The following PPP2R3B variants were observed in gnomAD, a reference collection of about 807,000 sequenced individuals.
The protein encoded by PPP2R3B is serine/threonine-protein phosphatase 2A regulatory subunit B'' subunit beta.
In PPP2R3B, 68 loss-of-function variants were observed where a neutral mutation model predicts 72.9. The ratio of observed to expected loss-of-function variants is 0.93; its 90% CI spans 0.77 to 1.14. The LOEUF is 1.14. PPP2R3B is among the 50% of genes most tolerant of loss of function. PPP2R3B has a pLI of 0.00. For synonymous variants in PPP2R3B, 466 were observed against 375.8 expected (o/e 1.24, Z -2.78); for missense variants, 1,018 against 842.0 (o/e 1.21, Z -2.59).
At chrX:384,877 C>CGGGA (rs1301128328) in intron 1 of PPP2R3B, among the ~76,000 whole-genome samples, 1 of 143,872 alleles carries the variant, frequency 7.0e-6, no homozygotes, top group Non-Finnish European at 1.5e-5. Flanking sequence ...CACAGCTACT[C>CGGGA]GGGAGGCTGA....
At chrX:341,066 T>C (rs868842283) in intron 9 of PPP2R3B, 126 bp from the exon 10 acceptor site, 24 of 1,345,336 alleles carry the variant, frequency 1.8e-5, no homozygotes, top group Admixed American at 4.5e-5. Flanking sequence ...CCACCGGGCG[T>C]GCAGGCATCC....
In PPP2R3B at chrX:347,318, G is replaced by A. The variant is rs765204570; in HGVS notation, c.633C>T (p.His211=). The A allele has an allele frequency of 4.3e-6, 7 of 1,613,682 alleles. No individual in the cohort carries two copies. The highest frequency in any genetic ancestry group is 1.7e-5 in the Admixed American group (1 of 59,992). ...AMWRKILQNC[H]DDAAKFVHLL... ...GATGGACGAACTTGGCCGCGTCGTC[G>A]TGGCAGTTCTGGAGGATTCTGGAAG... The change falls in exon 4 of 13, where the codon CAC becomes CAT. Residue 211 remains histidine (H), a synonymous_variant. Transcript: ENST00000390665.
In PPP2R3B at chrX:350,739, G is replaced by A. The variant is rs182608970; in HGVS notation, c.511-3046C>T. Among the ~76,000 whole-genome samples the A allele has an allele frequency of 4.9e-3, 753 of 152,342 alleles. 9 individuals are homozygous for A. Among genetic ancestry groups the A allele is most frequent in the African/African-American group, 0.017 (688 of 41,580 alleles). On this transcript the variant is annotated intron_variant, in intron 2 of 12. Coordinates refer to ENST00000390665, the MANE Select transcript of PPP2R3B (RefSeq NM_013239.5). ...GCTGCCAGGCAGCTGGGTGTCCTCC[G>A]CGTTGCTGGGGGAACTGGGACGCCA...
chrX:364,506 TAAAAAAAAAAAAAAC>T (rs1205444733), intron 1 of PPP2R3B, among the ~76,000 whole-genome samples: 10 of 44,510 alleles, frequency 2.2e-4, no homozygotes, highest in Non-Finnish European at 3.6e-4. Context: ...TCATCTCTAC[TAAAAAAAAAAAAAAC>T]AAAAAAAAAA....
At chrX:345,030 A>T in intron 7 of PPP2R3B, 1 of 377,370 alleles carries the variant, frequency 2.6e-6, no homozygotes. Flanking sequence ...AGGGGCCGGG[A>T]GGCAGTGGCT....
At chrX:369,465 G>A (rs1167763481) in intron 1 of PPP2R3B, among the ~76,000 whole-genome samples, 1 of 152,194 alleles carries the variant, frequency 6.6e-6, no homozygotes, top group African/African-American at 2.4e-5. Flanking sequence ...AGATACATGT[G>A]TCGCCCTTCC....
Position 334,333 on chromosome X carries a change from G to T in PPP2R3B, c.*34C>A, listed in dbSNP as rs935408568. 4.8e-6 allele frequency: 7 copies of T among 1,452,114 alleles called. No individual in the cohort carries two copies. Among genetic ancestry groups the T allele is most frequent in the Non-Finnish European group, 6.3e-6 (7 of 1,108,084 alleles). 90.0% of individuals were successfully genotyped at this position (1,452,114 alleles called of 1,614,324 possible). A position where few individuals can be genotyped will look rare whatever the true frequency, so the allele number is the denominator to read the frequency against. ...CGGTGGCCCGGTGGTGGCACGTGGG[G>T]AGCGGCCCCGCGGCGGCGTTCTCGC... On this transcript the variant is annotated 3_prime_UTR_variant, in exon 13 of 13. Transcript: ENST00000390665.
At chrX:386,221 G>A (rs2072245141) in intron 1 of PPP2R3B, 147 bp downstream of exon 1, 8 of 472,022 alleles carry the variant, frequency 1.7e-5, no homozygotes, top group Non-Finnish European at 2.7e-5. Flanking sequence ...TATGTGTGTG[G>A]TGGGGGGGGT....
intron 1 of PPP2R3B, among the ~76,000 whole-genome samples, chrX:368,059 T>C (rs928323241): frequency 6.6e-6 from 1 of 152,118 alleles, no homozygotes; most frequent in Non-Finnish European, 1.5e-5. Context: ...TAAACACCAC[T>C]GGACACAAAC....
At chrX:339,068 T>G in intron 10 of PPP2R3B, among the ~76,000 whole-genome samples, 172 bp from the exon 11 acceptor site, 2 of 151,920 alleles carry the variant, frequency 1.3e-5, no homozygotes, top group South Asian at 2.1e-4. Context: ...TGGTTCTGGG[T>G]GGGGACTGAG....
chrX:381,577 A>C (rs1361236328), intron 1 of PPP2R3B, among the ~76,000 whole-genome samples: 3 of 149,062 alleles, frequency 2.0e-5, no homozygotes, highest in Non-Finnish European at 4.4e-5. Flanking sequence ...TATGGGATGG[A>C]CAGGAACAAG....
chrX:372,209 C>G (rs768135879), intron 1 of PPP2R3B, among the ~76,000 whole-genome samples: 2 of 152,206 alleles, frequency 1.3e-5, no homozygotes, highest in Middle Eastern at 3.2e-3. Flanking sequence ...TTTAAAGACA[C>G]CAGCCTCGCC....
chrX:346,557 G>A, intron 5 of PPP2R3B, 144 bp downstream of exon 5: 1 of 794,364 alleles, frequency 1.3e-6, no homozygotes, highest in South Asian at 1.8e-5. Flanking sequence ...GGCGGGTGGA[G>A]ACTCTCCCAG....
rs1299460376 is a variant in PPP2R3B at position 353,919 on chromosome X, G to GCCCAGGGACCGGGGGCTCA, written c.511-6245_511-6227dup. Among the ~76,000 whole-genome samples the GCCCAGGGACCGGGGGCTCA allele has an allele frequency of 1.6e-3, 200 of 126,390 alleles. 14 individuals carry two copies. The highest frequency in any genetic ancestry group is 5.5e-3 in the African/African-American group (178 of 32,468). 82.9% of individuals were successfully genotyped at this position (126,390 alleles called of 152,430 possible). A position where few individuals can be genotyped will look rare whatever the true frequency, so the allele number is the denominator to read the frequency against. On this transcript the variant is annotated intron_variant, in intron 2 of 12. Transcript: ENST00000390665. Reference sequence around the variant, plus strand: ...GGGGCTCACCCAAAGACTGGGGCTCGCCCAGGGACCGGGGGCTCACCCAGG... The same window carrying GCCCAGGGACCGGGGGCTCA: ...GGGGCTCACCCAAAGACTGGGGCTCGCCCAGGGACCGGGGGCTCACCCAGGGACCGGGGGCTCACCCAGG...
At chrX:370,028 T>C (rs2071822961) in intron 1 of PPP2R3B, among the ~76,000 whole-genome samples, 1 of 152,008 alleles carries the variant, frequency 6.6e-6, no homozygotes, top group Non-Finnish European at 1.5e-5. Context: ...TGAGCATTCT[T>C]CTCGGCCCAG....
chrX:346,336 G>A, intron 5 of PPP2R3B, 76 bp from the exon 6 acceptor site: 1 of 1,411,904 alleles, frequency 7.1e-7, no homozygotes, highest in Non-Finnish European at 9.7e-7. Context: ...CCGGGAGCCG[G>A]GAGAGGGGCG....
intron 12 of PPP2R3B, chrX:335,491 G>A (rs749779500): frequency 6.6e-6 from 1 of 152,374 alleles, no homozygotes; most frequent in Admixed American, 6.5e-5. Flanking sequence ...TGCTTGGCAG[G>A]AATCGGACGG....
intron 7 of PPP2R3B, chrX:342,164 C>G: frequency 1.6e-6 from 1 of 613,582 alleles, no homozygotes; most frequent in Non-Finnish European, 2.9e-6. Context: ...AAGCTGACCG[C>G]GGCTCCAAGA....
In PPP2R3B at chrX:386,451, G is replaced by A; in HGVS notation, c.241C>T (p.Pro81Ser). 1.5e-6 allele frequency: 2 copies of A among 1,311,498 alleles called. No homozygotes were observed. The highest frequency in any genetic ancestry group is 9.7e-7 in the Non-Finnish European group (1 of 1,027,638). The allele number at this position is 1,311,498 out of a possible 1,614,324, so 81.2% of individuals were successfully genotyped here. A position where few individuals can be genotyped will look rare whatever the true frequency, so the allele number is the denominator to read the frequency against. ...LEPPGTPGPGPALPLGAASSP... is the reference protein window; with the variant it reads ...LEPPGTPGPGSALPLGAASSP... ...GAGGCGGCGCCCAGGGGCAGCGCAGGGCCCGGCCCGGGGGTTCCCGGGGGT... is the reference window on the plus strand; with the variant it reads ...GAGGCGGCGCCCAGGGGCAGCGCAGAGCCCGGCCCGGGGGTTCCCGGGGGT... The change falls in exon 1 of 13, where the codon CCT (proline) becomes TCT (serine). Residue 81 changes from proline (P) to serine (S), a missense_variant. Coordinates refer to ENST00000390665, the MANE Select transcript of PPP2R3B (RefSeq NM_013239.5).
Sources: allele counts gnomAD v4.1 joint callset (sites outside exome capture counted in the v4.1 genomes callset), GRCh38; gene constraint gnomAD v4.1.1; transcripts MANE v1.5; gene names NCBI Gene and HGNC (gene_info 2026-07-23, HGNC 2026-07-21).